The following PABPC4L variants were observed in gnomAD, a reference collection of about 807,000 sequenced individuals.
PABPC4L encodes poly(A) binding protein cytoplasmic 4 like.
For missense variants in PABPC4L, 452 were observed against 451.4 expected, an observed-to-expected ratio of 1.00 and a Z score of -0.01; for synonymous variants, 169 against 164.1, an observed-to-expected ratio of 1.03 and a Z score of -0.23.
chr4:134,184,691 C>T, the PABPC4L span, among the ~76,000 whole-genome samples: 1 of 151,748 alleles, frequency 6.6e-6, no homozygotes, highest in African/African-American at 2.4e-5. Flanking sequence ...CTTTTCACTC[C>T]TTTGTGTAGA....
chr4:134,174,171 C>T, the PABPC4L span, among the ~76,000 whole-genome samples: 1 of 151,846 alleles, frequency 6.6e-6, no homozygotes, highest in Non-Finnish European at 1.5e-5. Flanking sequence ...TCAACATGTT[C>T]CACTTCCATA....
At chr4:134,154,811 G>A in the PABPC4L span, among the ~76,000 whole-genome samples, 2 of 152,000 alleles carry the variant, frequency 1.3e-5, no homozygotes, top group East Asian at 3.9e-4. Flanking sequence ...GATTATGTGA[G>A]CTACTGTACT....
At chr4:134,022,237 A>C in the PABPC4L span, among the ~76,000 whole-genome samples, 4 of 152,216 alleles carry the variant, frequency 2.6e-5, no homozygotes, top group South Asian at 6.2e-4. Context: ...TGTTTGCCCC[A>C]GTATCCAAGT....
At chr4:134,167,480 A>G in the PABPC4L span, among the ~76,000 whole-genome samples, 1 of 151,924 alleles carries the variant, frequency 6.6e-6, no homozygotes, top group African/African-American at 2.4e-5. Context: ...ATACAAATAC[A>G]TAGAGTGGCT....
At chr4:133,996,572 G>A in the PABPC4L span, among the ~76,000 whole-genome samples, 1 of 152,166 alleles carries the variant, frequency 6.6e-6, no homozygotes, top group Admixed American at 6.5e-5. Flanking sequence ...ATGACTTACT[G>A]ACTGTGCAGT....
chr4:134,093,096 C>T, the PABPC4L span, among the ~76,000 whole-genome samples: 2 of 151,290 alleles, frequency 1.3e-5, no homozygotes, highest in South Asian at 4.2e-4. Context: ...TCCTCTCTCT[C>T]ATTCTCCCAC....
At chr4:134,153,821 T>A in the PABPC4L span, among the ~76,000 whole-genome samples, 2 of 146,726 alleles carry the variant, frequency 1.4e-5, no homozygotes, top group Non-Finnish European at 3.0e-5. Flanking sequence ...TTTTTTTTTT[T>A]TTTTTTTTTT....
chr4:134,029,814 C>T, the PABPC4L span, among the ~76,000 whole-genome samples: 24 of 151,884 alleles, frequency 1.6e-4, no homozygotes, highest in African/African-American at 5.3e-4. Flanking sequence ...TGTGTTCCCA[C>T]TCAAATTTCA....
the PABPC4L span, among the ~76,000 whole-genome samples, chr4:134,139,048 G>C: frequency 6.6e-6 from 1 of 151,866 alleles, no homozygotes; most frequent in Non-Finnish European, 1.5e-5. Flanking sequence ...AAGTCCTGTA[G>C]AGAAATACTT....
chr4:134,185,472 C>T, the PABPC4L span, among the ~76,000 whole-genome samples: 15 of 151,836 alleles, frequency 9.9e-5, no homozygotes, highest in South Asian at 2.1e-4. Flanking sequence ...AAAAGGCCTT[C>T]GACAAAATTC....
chr4:134,122,120 T>C, the PABPC4L span, among the ~76,000 whole-genome samples: 1 of 151,842 alleles, frequency 6.6e-6, no homozygotes, highest in Non-Finnish European at 1.5e-5. Flanking sequence ...CATATTCACT[T>C]GTGTTTGGTC....
At chr4:134,016,948 T>G in the PABPC4L span, among the ~76,000 whole-genome samples, 1 of 152,270 alleles carries the variant, frequency 6.6e-6, no homozygotes, top group African/African-American at 2.4e-5. Context: ...TATCTCTTAG[T>G]CTAGGTAAAC....
At chr4:134,149,880 G>A in the PABPC4L span, among the ~76,000 whole-genome samples, 1 of 152,050 alleles carries the variant, frequency 6.6e-6, no homozygotes, top group Non-Finnish European at 1.5e-5. Context: ...AGGGATGGTA[G>A]CAATACTTAG....
the PABPC4L span, among the ~76,000 whole-genome samples, chr4:134,052,169 C>T: frequency 6.6e-6 from 1 of 152,040 alleles, no homozygotes; most frequent in African/African-American, 2.4e-5. Context: ...TTATGGGATA[C>T]ATCACCTCCC....
At chr4:133,965,566 A>G in the PABPC4L span, among the ~76,000 whole-genome samples, 3 of 152,282 alleles carry the variant, frequency 2.0e-5, no homozygotes, top group South Asian at 2.1e-4. Context: ...ATTTCAAACT[A>G]CACTCTAAGG....
the PABPC4L span, among the ~76,000 whole-genome samples, chr4:133,964,011 A>G: frequency 6.6e-6 from 1 of 152,106 alleles, no homozygotes; most frequent in Non-Finnish European, 1.5e-5. Context: ...AAAAAAATAT[A>G]CAAAATATAA....
chr4:134,176,578 T>C, the PABPC4L span, among the ~76,000 whole-genome samples: 1 of 152,110 alleles, frequency 6.6e-6, no homozygotes. Context: ...AAGCAGCACA[T>C]GTGTGCCTCT....
the PABPC4L span, among the ~76,000 whole-genome samples, chr4:134,075,204 A>G: frequency 6.6e-6 from 1 of 152,126 alleles, no homozygotes; most frequent in African/African-American, 2.4e-5. Context: ...TCTGATGTCA[A>G]TGTAGGAGCA....
At chr4:133,982,312 TAAAGAC>T in the PABPC4L span, among the ~76,000 whole-genome samples, 1 of 152,000 alleles carries the variant, frequency 6.6e-6, no homozygotes, top group Non-Finnish European at 1.5e-5. Flanking sequence ...GCCATAGTGT[TAAAGAC>T]AAAACATCTA....
Sources: gnomAD v4.1 joint callset for allele counts (sites outside exome capture counted in the v4.1 genomes callset) on GRCh38, gnomAD v4.1.1 for gene constraint, MANE v1.5 for transcripts, NCBI Gene and HGNC (gene_info 2026-07-23, HGNC 2026-07-21) for gene names.